TMPRSS9: variants seen among roughly 807,000 people sequenced by gnomAD.
TMPRSS9 encodes the protein transmembrane protease serine 9.
In TMPRSS9, 113 loss-of-function variants were observed where a neutral mutation model predicts 111.4. The ratio of observed to expected loss-of-function variants is 1.01; its 90% CI spans 0.87 to 1.19. TMPRSS9 has a LOEUF of 1.19. Ranked by LOEUF, TMPRSS9 falls within the 50% of genes most tolerant of loss-of-function variation. TMPRSS9 has a pLI of 0.00. For missense variants in TMPRSS9, 1,803 were observed against 1,513.1 expected, an observed-to-expected ratio of 1.19 and a Z score of -3.18; for synonymous variants, 805 against 659.1, an observed-to-expected ratio of 1.22 and a Z score of -3.39.
At chr19:2,403,280 T>A in intron 6 of TMPRSS9, 85 bp downstream of exon 7, 1 of 1,146,770 alleles carries the variant, frequency 8.7e-7, no homozygotes, top group Non-Finnish European at 1.3e-6. Flanking sequence ...TCACTGTGCT[T>A]ATTTCACTGG....
chr19:2,419,206 C>G (rs1438138697), intron 13 of TMPRSS9, among the ~76,000 whole-genome samples: 1 of 134,956 alleles, frequency 7.4e-6, no homozygotes, highest in Non-Finnish European at 1.6e-5. Flanking sequence ...CTGTCTTTCT[C>G]TCTGTTTCTT....
At chr19:2,424,405 C>T in intron 15 of TMPRSS9, 148 bp downstream of exon 16, 5 of 848,612 alleles carry the variant, frequency 5.9e-6, no homozygotes, top group Admixed American at 4.3e-5. Flanking sequence ...ACTCCTCCCA[C>T]CCCCCATCTC....
At chr19:2,367,060 G>C (rs1970253036) in intron 1 of TMPRSS9, among the ~76,000 whole-genome samples, 1 of 151,988 alleles carries the variant, frequency 6.6e-6, no homozygotes, top group South Asian at 2.1e-4. Context: ...GGTGATTCAA[G>C]GGAGAGAAAG....
chr19:2,424,002 G>A, intron 14 of TMPRSS9, 87 bp from the exon 16 acceptor site: 1 of 1,231,338 alleles, frequency 8.1e-7, no homozygotes, highest in East Asian at 3.2e-5. Flanking sequence ...GGCTCCCAGG[G>A]GGATTCGTGG....
At position 2,395,984 on chromosome 19, in the gene TMPRSS9, G is replaced by C. The variant is rs1297511826; in HGVS notation, c.143-555G>C. 3.3e-5 allele frequency among the ~76,000 whole-genome samples: 5 copies of C among 152,224 alleles called. No homozygotes were observed. The East Asian group carries it at 9.6e-4, about 29-fold the overall frequency. ...GATTGCGCCACCGCACTCCAGCCTG[G>C]GCGACAGAGCGAGACTCTGTCTCAA... On this transcript the variant is annotated intron_variant, in intron 1 of 17. Transcript: ENST00000648592.
upstream of TMPRSS9, among the ~76,000 whole-genome samples, chr19:2,385,188 CG>C (rs1173392532): frequency 2.0e-3 from 50 of 24,980 alleles, no homozygotes; most frequent in South Asian, 2.1e-3. Context: ...GCGGGGCTCG[CG>C]GGGGCGGGGC....
intron 12 of TMPRSS9, 114 bp downstream of exon 13, chr19:2,416,923 A>T: frequency 7.6e-7 from 1 of 1,318,308 alleles, no homozygotes; most frequent in Non-Finnish European, 1.0e-6. Flanking sequence ...CTGCACAGGG[A>T]CCTCTGTGGC....
Position 2,422,095 on chromosome 19 carries a change from C to T in TMPRSS9, c.2396C>T (p.Pro799Leu), listed in dbSNP as rs201404482. The T allele has an allele frequency of 8.7e-6, 14 of 1,606,776 alleles. No homozygotes were observed. Among genetic ancestry groups the T allele is most frequent in the African/African-American group, 2.7e-5 (2 of 74,952 alleles). The change falls in exon 14 of 18, where the codon CCG (proline) becomes CTG (leucine). Residue 799 changes from proline (P) to leucine (L), a missense_variant. Pro to Leu is a moderately conservative substitution (Grantham distance 98, BLOSUM62 -3). Coordinates refer to ENST00000648592, the Ensembl canonical transcript of TMPRSS9. ...AGGACGACAGCTGGCCTCACAGTCC[C>T]GGGGGCCACACCCAGCAGACCCACC...
At chr19:2,400,667 G>T (rs1970816046) in intron 4 of TMPRSS9, among the ~76,000 whole-genome samples, 1 of 151,804 alleles carries the variant, frequency 6.6e-6, no homozygotes, top group South Asian at 2.1e-4. Context: ...TCAGATGCAA[G>T]TTCAGACCAT....
At chr19:2,372,013 A>G (rs1970295355) in intron 1 of TMPRSS9, among the ~76,000 whole-genome samples, 1 of 152,152 alleles carries the variant, frequency 6.6e-6, no homozygotes, top group Non-Finnish European at 1.5e-5. Context: ...CTGGGATTAT[A>G]GGCGCCCGCC....
chr19:2,367,919 C>T (rs1406870204), intron 1 of TMPRSS9, among the ~76,000 whole-genome samples: 2 of 152,202 alleles, frequency 1.3e-5, no homozygotes, highest in South Asian at 2.1e-4. Context: ...CCATGTTGGC[C>T]AGGCTGGTCT....
intron 1 of TMPRSS9, among the ~76,000 whole-genome samples, chr19:2,360,757 G>A (rs1343354992): frequency 6.6e-6 from 1 of 151,948 alleles, no homozygotes; most frequent in Non-Finnish European, 1.5e-5. Flanking sequence ...ATGCGGCCGG[G>A]GTTGTGTGGA....
chr19:2,377,458 CCCTCT>C (rs1970345948), intron 1 of TMPRSS9, among the ~76,000 whole-genome samples: 1 of 90,268 alleles, frequency 1.1e-5, no homozygotes. Flanking sequence ...TTCTCCCCTC[CCCTCT>C]CCCCTCTCCC....
At chr19:2,420,086 C>A (rs1195524818) in intron 13 of TMPRSS9, among the ~76,000 whole-genome samples, 1 of 152,052 alleles carries the variant, frequency 6.6e-6, no homozygotes, top group African/African-American at 2.4e-5. Context: ...TCTCTTGAGG[C>A]CAGGTGTCTA....
upstream of TMPRSS9, among the ~76,000 whole-genome samples, chr19:2,386,374 G>A (rs989209853): frequency 4.0e-5 from 6 of 151,758 alleles, no homozygotes; most frequent in Non-Finnish European, 7.4e-5. Context: ...GCGTGGTGGC[G>A]GGCGCCTGTA....
chr19:2,394,597 T>TTTA (rs1324853817), intron 1 of TMPRSS9, among the ~76,000 whole-genome samples: 1 of 12,556 alleles, frequency 8.0e-5, no homozygotes, highest in South Asian at 5.7e-3. Flanking sequence ...GTGCTCGTGT[T>TTTA]TCTTTAGTTT....
intron 15 of TMPRSS9, 53 bp from the exon 17 acceptor site, chr19:2,424,949 G>T: frequency 7.1e-7 from 1 of 1,398,842 alleles, no homozygotes. Context: ...CACAGGGGCG[G>T]GGGCCGGGGG....
chr19:2,425,154 G>GGCCGGTGCGTCGCAGCCGCC lies in TMPRSS9; in HGVS notation c.2871_2890dup (p.Leu964ArgfsTer102). On this transcript the variant is annotated frameshift_variant, in exon 16 of 18. Coordinates refer to ENST00000648592, the Ensembl canonical transcript of TMPRSS9. LOFTEE classifies it high-confidence loss of function. ...GACGTGGCGCTGCTGGAGCTGGCGG[G>GGCCGGTGCGTCGCAGCCGCC]GCCGGTGCGTCGCAGCCGCCTGGTG... 1 of 1,573,918 alleles carries GGCCGGTGCGTCGCAGCCGCC rather than the reference G, an allele frequency of 6.4e-7. No homozygotes were observed. The highest frequency in any genetic ancestry group is 1.1e-5 in the South Asian group (1 of 88,606).
At chr19:2,363,841 T>G (rs1336958539) in intron 1 of TMPRSS9, among the ~76,000 whole-genome samples, 28 of 57,120 alleles carry the variant, frequency 4.9e-4, no homozygotes, top group East Asian at 1.1e-3. Flanking sequence ...AGAGAGAGAG[T>G]GAGAGTGGGA....
Sources: allele counts gnomAD v4.1 joint callset (sites outside exome capture counted in the v4.1 genomes callset), GRCh38; gene constraint gnomAD v4.1.1; transcripts MANE v1.5; gene names NCBI Gene and HGNC (gene_info 2026-07-23, HGNC 2026-07-21).